The following RXFP2 variants were observed in gnomAD, a reference collection of about 807,000 sequenced individuals.
RXFP2 encodes relaxin receptor 2.
A neutral mutation model predicts 88.6 loss-of-function variants in RXFP2; 68 were observed. The ratio of observed to expected loss-of-function variants is 0.77; its 90% CI spans 0.63 to 0.94. The LOEUF is 0.94. Among genes scored for constraint, RXFP2 ranks in the 40% least tolerant of loss-of-function variants. The pLI is 0.00. For synonymous variants in RXFP2, 329 were observed against 306.8 expected (o/e 1.07, Z -0.76); for missense variants, 791 against 893.9 (o/e 0.88, Z 1.47).
Position 31,802,200 on chromosome 13 carries a change from A to T in RXFP2, c.2060A>T (p.Asn687Ile), listed in dbSNP as rs916567109. 1.9e-6 allele frequency: 3 copies of T among 1,613,832 alleles called. No homozygotes were observed. Among genetic ancestry groups the T allele is most frequent in the Non-Finnish European group, 2.5e-6 (3 of 1,179,896 alleles). The change falls in exon 18 of 18, where the codon AAT (asparagine) becomes ATT (isoleucine). Residue 687 changes from asparagine to isoleucine, a missense_variant. Physicochemically the swap from Asn to Ile is moderately radical, Grantham distance 149. Coordinates refer to ENST00000298386, the MANE Select transcript of RXFP2 (RefSeq NM_130806.5). ...TTCCTTCCAGTTAACAGTGCTTTGA[A>T]TCCAATCCTCTATACTCTCACAACC... The part of the protein sequence containing the change: ...IFFLPVNSAL[N>I]PILYTLTTNF...
intron 14 of RXFP2, among the ~76,000 whole-genome samples, 192 bp downstream of exon 14, chr13:31,789,385 C>G (rs1423428349): frequency 6.6e-6 from 1 of 152,068 alleles, no homozygotes; most frequent in Non-Finnish European, 1.5e-5. Context: ...CATGAATGAC[C>G]CTTCTCTCTG....
chr13:31,800,300 T>A (rs1203391081), intron 17 of RXFP2, among the ~76,000 whole-genome samples: 1 of 152,130 alleles, frequency 6.6e-6, no homozygotes, highest in Non-Finnish European at 1.5e-5. Context: ...CTGCTGCTAA[T>A]CTTATAAGAA....
At chr13:31,748,900 G>A (rs943069543) in intron 1 of RXFP2, among the ~76,000 whole-genome samples, 4 of 152,182 alleles carry the variant, frequency 2.6e-5, no homozygotes, top group African/African-American at 9.7e-5. Context: ...AGGAGGCTAA[G>A]GCAGGAGAAT....
intron 11 of RXFP2, among the ~76,000 whole-genome samples, chr13:31,783,042 A>T (rs541198269): frequency 3.9e-5 from 6 of 152,304 alleles, no homozygotes; most frequent in Admixed American, 3.3e-4. Flanking sequence ...AAACACAGGG[A>T]TCATTTCTTT....
At chr13:31,760,608 T>C (rs1378603627) in intron 2 of RXFP2, among the ~76,000 whole-genome samples, 2 of 152,234 alleles carry the variant, frequency 1.3e-5, no homozygotes, top group Non-Finnish European at 2.9e-5. Flanking sequence ...CCCATGAGGA[T>C]TTCTGAACCC....
At position 31,802,718 on chromosome 13, in the gene RXFP2, G is replaced by A. The variant is rs1013009938; in HGVS notation, c.*313G>A. On this transcript the variant is annotated 3_prime_UTR_variant, in exon 18 of 18. Transcript: ENST00000298386. ...CCCACCAACAAATGACCACAGGTTG[G>A]CACTGTGTGGTCTTTCACATCGGGT... The A allele has an allele frequency of 7.1e-5, 27 of 380,598 alleles. No homozygotes were observed. Among genetic ancestry groups the A allele is most frequent in the African/African-American group, 4.1e-4 (20 of 48,588 alleles). 23.6% of individuals were successfully genotyped at this position (380,598 alleles called of 1,614,324 possible).
At chr13:31,785,849 A>G (rs988114088) in intron 11 of RXFP2, among the ~76,000 whole-genome samples, 2 of 152,172 alleles carry the variant, frequency 1.3e-5, no homozygotes, top group Non-Finnish European at 2.9e-5. Context: ...ATTTAATTCT[A>G]AACTTGCAAT....
chr13:31,768,506 T>G (rs1872630671), intron 5 of RXFP2, among the ~76,000 whole-genome samples: 1 of 152,170 alleles, frequency 6.6e-6, no homozygotes, highest in East Asian at 1.9e-4. Flanking sequence ...GGAAAGCTAC[T>G]TGGGGAGAGA....
rs747204845 is a variant in RXFP2 at position 31,782,737 on chromosome 13, T to G, written c.919T>G (p.Leu307Val). ...PEKTFSSLKN[L>V]GELDLSSNTI... Reference sequence around the variant, plus strand: ...GAAGACATTTTCTTCATTAAAAAATTTAGGAGAACTGTAAGTAGCATCGTC... The same window carrying G: ...GAAGACATTTTCTTCATTAAAAAATGTAGGAGAACTGTAAGTAGCATCGTC... Residue 307 changes from leucine (L) to valine (V), a missense_variant, in exon 11 of 18, where the codon TTA (leucine) becomes GTA (valine). Transcript: ENST00000298386. The G allele has an allele frequency of 1.3e-5, 20 of 1,588,334 alleles. No individual in the cohort carries two copies. In the South Asian group the frequency reaches 2.2e-4, roughly 18 times the overall value.
At chr13:31,772,616 A>G (rs1872772967) in intron 5 of RXFP2, among the ~76,000 whole-genome samples, 1 of 152,218 alleles carries the variant, frequency 6.6e-6, no homozygotes, top group Non-Finnish European at 1.5e-5. Flanking sequence ...AGCAGAGACT[A>G]GAGGATGGAG....
intron 13 of RXFP2, 149 bp downstream of exon 13, chr13:31,786,786 C>G (rs1873565713): frequency 1.6e-6 from 1 of 634,014 alleles, no homozygotes; most frequent in Non-Finnish European, 2.8e-6. Context: ...TACTGAATGA[C>G]AAATAAGCCT....
At chr13:31,743,498 C>T (rs1213494048) in intron 1 of RXFP2, among the ~76,000 whole-genome samples, 3 of 151,722 alleles carry the variant, frequency 2.0e-5, no homozygotes, top group Admixed American at 6.6e-5. Flanking sequence ...TAAAGAATTG[C>T]GATTGAAAAT....
At chr13:31,769,299 C>A (rs1872654934) in intron 5 of RXFP2, among the ~76,000 whole-genome samples, 1 of 152,174 alleles carries the variant, frequency 6.6e-6, no homozygotes. Context: ...TACCACTGCT[C>A]AAGGCGCCTC....
chr13:31,740,351 T>TG, intron 1 of RXFP2, among the ~76,000 whole-genome samples: 1 of 152,242 alleles, frequency 6.6e-6, no homozygotes, highest in South Asian at 2.1e-4. Context: ...AATCTTCACT[T>TG]GTTTTTAAAT....
intron 2 of RXFP2, among the ~76,000 whole-genome samples, chr13:31,761,491 T>G (rs1872297906): frequency 1.3e-5 from 2 of 152,198 alleles, no homozygotes; most frequent in South Asian, 4.1e-4. Flanking sequence ...GTAAAATAAT[T>G]ATATACTTGC....
intron 1 of RXFP2, among the ~76,000 whole-genome samples, chr13:31,754,342 C>T (rs1871824771): frequency 6.6e-6 from 1 of 152,112 alleles, no homozygotes; most frequent in Non-Finnish European, 1.5e-5. Context: ...ACCAGCCTGA[C>T]CATTATGGTG....
chr13:31,784,644 AC>A (rs1344381387), intron 11 of RXFP2, among the ~76,000 whole-genome samples: 1 of 151,986 alleles, frequency 6.6e-6, no homozygotes, highest in African/African-American at 2.4e-5. Context: ...ACCAGATGAG[AC>A]ATCTCACTTG....
chr13:31,749,712 G>A (rs1871580345), intron 1 of RXFP2, among the ~76,000 whole-genome samples: 1 of 152,078 alleles, frequency 6.6e-6, no homozygotes, highest in Admixed American at 6.6e-5. Context: ...AATTGTGGCT[G>A]AAATATAAAA....
intron 1 of RXFP2, among the ~76,000 whole-genome samples, chr13:31,748,440 G>A (rs1039360886): frequency 6.6e-6 from 1 of 152,138 alleles, no homozygotes; most frequent in Non-Finnish European, 1.5e-5. Flanking sequence ...TAATCTTAGT[G>A]ATATTTTATC....
Sources: gnomAD v4.1 joint callset for allele counts (sites outside exome capture counted in the v4.1 genomes callset) on GRCh38, gnomAD v4.1.1 for gene constraint, MANE v1.5 for transcripts, NCBI Gene and HGNC (gene_info 2026-07-23, HGNC 2026-07-21) for gene names.